Variants in CNTNAP4 observed in about 807,000 individuals in gnomAD.
The protein encoded by CNTNAP4 is contactin-associated protein-like 4.
In CNTNAP4, 98 loss-of-function variants were observed where a neutral mutation model predicts 148.4. That is an observed-to-expected ratio of 0.66 (90% CI 0.56 to 0.78). The LOEUF is 0.78. Among genes scored for constraint, CNTNAP4 ranks in the 30% least tolerant of loss-of-function variants. CNTNAP4 has a pLI of 0.00. For missense variants in CNTNAP4, 1,935 were observed against 1,565.6 expected (o/e 1.24, Z -3.98); for synonymous variants, 730 against 565.1 (o/e 1.29, Z -4.14).
intron 3 of CNTNAP4, among the ~76,000 whole-genome samples, chr16:76,374,622 C>G (rs1422176209): frequency 6.6e-6 from 1 of 151,970 alleles, no homozygotes; most frequent in Non-Finnish European, 1.5e-5. Context: ...TTTATGTACA[C>G]ACAAACATTG....
chr16:76,330,540 T>A (rs534464933), intron 2 of CNTNAP4, among the ~76,000 whole-genome samples: 287 of 152,336 alleles, frequency 1.9e-3, no homozygotes, highest in Non-Finnish European at 3.2e-3. Context: ...CTGCAGTGGT[T>A]GAACAGATAA....
chr16:76,403,033 A>G (rs927065936), intron 3 of CNTNAP4, among the ~76,000 whole-genome samples: 2 of 152,204 alleles, frequency 1.3e-5, no homozygotes, highest in Non-Finnish European at 1.5e-5. Context: ...GGGTGAAGAA[A>G]AAAACAACTC....
intron 3 of CNTNAP4, among the ~76,000 whole-genome samples, chr16:76,366,063 T>G (rs1664726414): frequency 6.6e-6 from 1 of 152,178 alleles, no homozygotes; most frequent in Admixed American, 6.5e-5. Flanking sequence ...ATGTTTTAAT[T>G]TTTTGACTTT....
intron 1 of CNTNAP4, among the ~76,000 whole-genome samples, chr16:76,313,032 A>G (rs1961307931): frequency 6.6e-6 from 1 of 152,164 alleles, no homozygotes; most frequent in East Asian, 1.9e-4. Context: ...CAAGGCCAAC[A>G]ACCAAAACTT....
chr16:76,354,580 T>A (rs1168963157), intron 2 of CNTNAP4, among the ~76,000 whole-genome samples: 1 of 152,158 alleles, frequency 6.6e-6, no homozygotes, highest in Non-Finnish European at 1.5e-5. Context: ...GTTTGCAGTT[T>A]CCGTGGTTTA....
Position 76,553,889 on chromosome 16 carries a change from G to T in CNTNAP4, c.3715G>T (p.Asp1239Tyr). The change falls in exon 23 of 24, where the codon GAC (aspartate) becomes TAC (tyrosine). Residue 1239 changes from aspartate (D) to tyrosine (Y), a missense_variant. Physicochemically the swap from Asp to Tyr is radical, Grantham distance 160. Coordinates refer to ENST00000611870, the MANE Select transcript of CNTNAP4 (RefSeq NM_033401.5). ...GCCCCTTGCTAATGCAATCAAAAGT[G>T]ACTCTGCAGTAATTGGAGGTAATAA... is the stretch of plus-strand genomic sequence containing the variant. ...REPLANAIKSDSAVIGGLIAV... is the reference protein window; with the variant it reads ...REPLANAIKSYSAVIGGLIAV... 1.2e-6 allele frequency: 2 copies of T among 1,607,676 alleles called. No homozygotes were observed. Among genetic ancestry groups the T allele is most frequent in the South Asian group, 2.2e-5 (2 of 90,776 alleles).
intron 1 of CNTNAP4, among the ~76,000 whole-genome samples, chr16:76,311,720 C>CAT (rs1307906793): frequency 6.6e-6 from 1 of 152,078 alleles, no homozygotes; most frequent in South Asian, 2.1e-4. Flanking sequence ...ATGAACTCAA[C>CAT]ATACCCAGCT....
chr16:76,468,786 A>G (rs541745684), intron 10 of CNTNAP4, among the ~76,000 whole-genome samples: 1 of 152,288 alleles, frequency 6.6e-6, no homozygotes, highest in East Asian at 1.9e-4. Flanking sequence ...GTAATAATTG[A>G]AACCTGTGGT....
At chr16:76,417,826 CTT>C (rs1449184144) in intron 3 of CNTNAP4, among the ~76,000 whole-genome samples, 1 of 151,596 alleles carries the variant, frequency 6.6e-6, no homozygotes, top group East Asian at 1.9e-4. Context: ...GCCTGAGAGT[CTT>C]TATTTCTCCT....
At chr16:76,347,309 G>A (rs1033022555) in intron 2 of CNTNAP4, among the ~76,000 whole-genome samples, 2 of 152,082 alleles carry the variant, frequency 1.3e-5, no homozygotes, top group Non-Finnish European at 2.9e-5. Context: ...TTATACCCAC[G>A]TGACTACAAT....
intron 1 of CNTNAP4, among the ~76,000 whole-genome samples, chr16:76,309,402 A>C (rs1960845998): frequency 6.6e-6 from 1 of 152,044 alleles, no homozygotes; most frequent in Non-Finnish European, 1.5e-5. Flanking sequence ...GAAACTTTAC[A>C]CTGGAGTAAA....
intron 2 of CNTNAP4, among the ~76,000 whole-genome samples, chr16:76,336,331 A>G (rs1383448045): frequency 6.6e-6 from 1 of 152,216 alleles, no homozygotes; most frequent in African/African-American, 2.4e-5. Flanking sequence ...GTGGGAGCCT[A>G]CTGTGAACAT....
intron 4 of CNTNAP4, among the ~76,000 whole-genome samples, chr16:76,443,745 C>A (rs1159306233): frequency 2.0e-5 from 3 of 152,136 alleles, no homozygotes; most frequent in African/African-American, 4.8e-5. Flanking sequence ...TTACTCATAT[C>A]TTTCATAGAT....
intron 1 of CNTNAP4, among the ~76,000 whole-genome samples, chr16:76,307,500 A>G (rs966309898): frequency 3.1e-5 from 3 of 96,488 alleles, no homozygotes; most frequent in Non-Finnish European, 6.1e-5. Flanking sequence ...TCTATTTTAA[A>G]TGCATATATA....
At chr16:76,443,436 T>A (rs1011827044) in intron 4 of CNTNAP4, among the ~76,000 whole-genome samples, 7 of 152,100 alleles carry the variant, frequency 4.6e-5, no homozygotes, top group Non-Finnish European at 1.0e-4. Flanking sequence ...ATACAAAAAA[T>A]TAGCTGGACA....
At chr16:76,347,465 A>G (rs1025033832) in intron 2 of CNTNAP4, among the ~76,000 whole-genome samples, 1 of 152,148 alleles carries the variant, frequency 6.6e-6, no homozygotes, top group Non-Finnish European at 1.5e-5. Flanking sequence ...AATATAATAC[A>G]TAAACACTAA....
intron 13 of CNTNAP4, among the ~76,000 whole-genome samples, chr16:76,492,148 C>T (rs2082246307): frequency 6.6e-6 from 1 of 152,012 alleles, no homozygotes; most frequent in Non-Finnish European, 1.5e-5. Context: ...TACAAATTTG[C>T]AGTTGTAAGA....
intron 1 of CNTNAP4, among the ~76,000 whole-genome samples, chr16:76,280,970 A>G (rs376803938): frequency 1.3e-5 from 2 of 152,256 alleles, no homozygotes; most frequent in East Asian, 1.9e-4. Flanking sequence ...AGTTACTGGT[A>G]TACTGAGCCG....
chr16:76,326,124 A>G (rs1448369719), intron 2 of CNTNAP4, among the ~76,000 whole-genome samples: 3 of 152,160 alleles, frequency 2.0e-5, no homozygotes, highest in African/African-American at 7.2e-5. Flanking sequence ...AACTCATTCA[A>G]GGAGGCCAGC....
Sources: allele counts gnomAD v4.1 joint callset (sites outside exome capture counted in the v4.1 genomes callset), GRCh38; gene constraint gnomAD v4.1.1; transcripts MANE v1.5; gene names NCBI Gene and HGNC (gene_info 2026-07-23, HGNC 2026-07-21).